The following TTC28 variants were observed in gnomAD, a reference collection of about 807,000 sequenced individuals.
TTC28 encodes tetratricopeptide repeat domain 28.
TTC28 carries 61 observed loss-of-function variants against 198.0 expected under a neutral mutation model. The ratio of observed to expected loss-of-function variants is 0.31; its 90% CI spans 0.25 to 0.38. The LOEUF is 0.38. Ranked by LOEUF, TTC28 falls within the 10% of genes least tolerant of loss-of-function variation. The probability of loss-of-function intolerance (pLI) is 1.00; values close to 1 mark genes in which losing one functional copy is unlikely to be tolerated. For synonymous variants in TTC28, 1,171 were observed against 1,297.8 expected, an observed-to-expected ratio of 0.90 and a Z score of 2.10; for missense variants, 2,678 against 3,164.0, an observed-to-expected ratio of 0.85 and a Z score of 3.69.
rs938791958 is a variant in TTC28, at chr22:27,983,364, C to T, written c.6303G>A (p.Gly2101=). 20 of 1,551,182 alleles carry T rather than the reference C, an allele frequency of 1.3e-5. No homozygotes were observed. The African/African-American group carries it at 2.7e-4, about 21-fold the overall frequency. Residue 2101 remains glycine (G), a synonymous_variant, in exon 23 of 23, where the codon GGG becomes GGA. Coordinates refer to ENST00000397906, the MANE Select transcript of TTC28 (RefSeq NM_001145418.2). ...GGMRVSVSSK[G]SISTPNSPVK... Reference sequence around the variant, plus strand: ...CTGGAGAATTTGGAGTGCTGATGCTCCCTTTGGAGCTCACCGAGACTCTCA... The same window carrying T: ...CTGGAGAATTTGGAGTGCTGATGCTTCCTTTGGAGCTCACCGAGACTCTCA...
At chr22:28,461,850 CA>C (rs2047955404) in intron 2 of TTC28, among the ~76,000 whole-genome samples, 1 of 152,138 alleles carries the variant, frequency 6.6e-6, no homozygotes, top group Admixed American at 6.6e-5. Context: ...TCTTTCCCAC[CA>C]GTCATGCTAA....
chr22:28,094,104 A>C lies in TTC28; in HGVS notation c.3908T>G (p.Leu1303Arg). Residue 1303 changes from leucine to arginine, a missense_variant, in exon 12 of 23, where the codon CTG becomes CGG. Physicochemically the swap from Leu to Arg is moderately radical, Grantham distance 102. Around this residue, in one of 8 missense-constraint regions of TTC28, gnomAD observed 727 missense variants for 861.9 expected, o/e 0.84. Transcript: ENST00000397906. Reference protein sequence around the residue: ...EQHIASVREALGVESHYSRAC... With the variant: ...EQHIASVREARGVESHYSRAC... ...CCTTGAGTAGTGAGACTCCACCCCC[A>C]GGGCCTCCCGGACACTGGCAATGTG... 6.5e-7 allele frequency: 1 copy of C among 1,549,836 alleles called. No homozygotes were observed. Among genetic ancestry groups the C allele is most frequent in the Non-Finnish European group, 8.7e-7 (1 of 1,146,396 alleles).
chr22:28,234,146 T>C (rs1371982784), intron 5 of TTC28, among the ~76,000 whole-genome samples: 30 of 152,016 alleles, frequency 2.0e-4, no homozygotes, highest in Non-Finnish European at 2.9e-5. Flanking sequence ...GACCTCGTGA[T>C]CCGCCGGCCT....
In TTC28 at chr22:27,983,743, G is replaced by C. The variant is rs1371130799; in HGVS notation, c.5924C>G (p.Pro1975Arg). 1 of 1,551,666 alleles carries C rather than the reference G, an allele frequency of 6.4e-7. No individual in the cohort carries two copies. The highest frequency in any genetic ancestry group is 8.7e-7 in the Non-Finnish European group (1 of 1,146,996). ...GTCCGCACCGGTGGGAGAGAAGGGG[G>C]GTTGCTGGTAACCCAAGGGCAGGGC... is the stretch of plus-strand genomic sequence containing the variant. ...SNALPLGYQQ[P>R]PFSPTGADSI... Residue 1975 changes from proline to arginine, a missense_variant, in exon 23 of 23, where the codon CCC becomes CGC. This residue lies in a region of TTC28 where 622 missense variants were observed against 656.0 expected (regional missense o/e 0.95). Transcript: ENST00000397906.
At chr22:28,007,660 C>T (rs1937982157) in intron 14 of TTC28, 1 of 152,228 alleles carries the variant, frequency 6.6e-6, no homozygotes, top group South Asian at 2.1e-4. Context: ...ATGATCCCTC[C>T]ACCCCTAGTG....
chr22:28,660,407 C>A (rs1341429454), intron 1 of TTC28, among the ~76,000 whole-genome samples: 1 of 152,186 alleles, frequency 6.6e-6, no homozygotes, highest in Non-Finnish European at 1.5e-5. Flanking sequence ...CTCACTGCAA[C>A]CTCTGCCTCC....
intron 6 of TTC28, among the ~76,000 whole-genome samples, chr22:28,156,496 T>G (rs149798633): frequency 6.6e-6 from 1 of 152,328 alleles, no homozygotes; most frequent in East Asian, 1.9e-4. Context: ...TTTGTGTTGT[T>G]TTAAACCACT....
At chr22:28,392,452 C>G (rs952824006) in intron 2 of TTC28, among the ~76,000 whole-genome samples, 6 of 152,240 alleles carry the variant, frequency 3.9e-5, no homozygotes, top group African/African-American at 9.6e-5. Flanking sequence ...TCGCTGCCGC[C>G]TTGCAGTTTG....
Position 28,306,396 on chromosome 22 carries a change from G to A in TTC28, c.529+100C>T. 2.2e-6 allele frequency: 3 copies of A among 1,347,272 alleles called. No homozygotes were observed. The South Asian group carries it at 4.2e-5, about 19-fold the overall frequency. 83.5% of individuals were successfully genotyped at this position (1,347,272 alleles called of 1,614,324 possible). On this transcript the variant is annotated intron_variant, in intron 3 of 22. Transcript: ENST00000397906. Reference sequence around the variant, plus strand: ...TAAAATATCAAATCTTAGCAAATTTGATAACCTATCAATTCTCTGTGCCTG... The same window carrying A: ...TAAAATATCAAATCTTAGCAAATTTAATAACCTATCAATTCTCTGTGCCTG...
At chr22:28,638,288 A>T (rs1013525141) in intron 1 of TTC28, among the ~76,000 whole-genome samples, 3 of 152,130 alleles carry the variant, frequency 2.0e-5, no homozygotes, top group African/African-American at 7.2e-5. Context: ...AATGATATAT[A>T]AAAAAACTTA....
At chr22:28,375,734 T>C (rs1482841115) in intron 2 of TTC28, among the ~76,000 whole-genome samples, 1 of 152,190 alleles carries the variant, frequency 6.6e-6, no homozygotes, top group Non-Finnish European at 1.5e-5. Flanking sequence ...GGTAAGTCAG[T>C]GGACTGAGTA....
rs5762742 is a variant in TTC28 at position 28,677,175 on chromosome 22, A to T, written c.102+2447T>A. Reference sequence around the variant, plus strand: ...CATCTCAGGAAAAAAAAAAAAAAAAAATATATATATATATATATATATATA... The same window carrying T: ...CATCTCAGGAAAAAAAAAAAAAAAATATATATATATATATATATATATATA... On this transcript the variant is annotated intron_variant, in intron 1 of 22. Coordinates refer to ENST00000397906, the MANE Select transcript of TTC28 (RefSeq NM_001145418.2). 4.2e-3 allele frequency among the ~76,000 whole-genome samples: 292 copies of T among 69,302 alleles called. 1 individual carries two copies. Among genetic ancestry groups the T allele is most frequent in the East Asian group, 0.025 (64 of 2,548 alleles). 45.5% of individuals were successfully genotyped at this position (69,302 alleles called of 152,430 possible). A position where few individuals can be genotyped will look rare whatever the true frequency, so the allele number is the denominator to read the frequency against.
chr22:28,391,120 T>G (rs1031118600), intron 2 of TTC28, among the ~76,000 whole-genome samples: 8 of 152,188 alleles, frequency 5.3e-5, no homozygotes, highest in African/African-American at 1.9e-4. Context: ...TGGCTGGATA[T>G]GAAATTCTGG....
intron 2 of TTC28, among the ~76,000 whole-genome samples, chr22:28,435,894 A>G (rs1424422084): frequency 6.6e-6 from 1 of 152,244 alleles, no homozygotes; most frequent in Non-Finnish European, 1.5e-5. Flanking sequence ...GCACTCCTGC[A>G]CTGATATCAC....
intron 12 of TTC28, 135 bp downstream of exon 12, chr22:28,093,945 C>T (rs1262268940): frequency 1.0e-5 from 9 of 871,404 alleles, no homozygotes; most frequent in African/African-American, 1.7e-5. Flanking sequence ...GTTTCTGCTG[C>T]AGCAGCTGTG....
At chr22:28,339,018 G>C (rs1221989160) in intron 2 of TTC28, among the ~76,000 whole-genome samples, 4 of 152,034 alleles carry the variant, frequency 2.6e-5, no homozygotes, top group Non-Finnish European at 5.9e-5. Context: ...TCTACCTTTG[G>C]TCTTTGATGA....
At chr22:28,552,899 G>A (rs2049706272) in intron 2 of TTC28, among the ~76,000 whole-genome samples, 1 of 151,868 alleles carries the variant, frequency 6.6e-6, no homozygotes, top group African/African-American at 2.4e-5. Flanking sequence ...TGATTCCCCT[G>A]CCTCAGCCTG....
chr22:28,198,405 T>G (rs1925582401), intron 5 of TTC28, among the ~76,000 whole-genome samples: 3 of 152,050 alleles, frequency 2.0e-5, no homozygotes, highest in Non-Finnish European at 2.9e-5. Flanking sequence ...TGGATAAGGA[T>G]TTTTGCAGAA....
chr22:28,388,986 G>A (rs1162568254), intron 2 of TTC28, among the ~76,000 whole-genome samples: 4 of 152,170 alleles, frequency 2.6e-5, no homozygotes, highest in South Asian at 2.1e-4. Context: ...GTTTGTCATA[G>A]ATAGCTCTTA....
Sources: gnomAD v4.1 joint callset for allele counts (sites outside exome capture counted in the v4.1 genomes callset) on GRCh38, gnomAD v4.1.1 for gene constraint, gnomAD v4.1.1 regional missense constraint, MANE v1.5 for transcripts, NCBI Gene and HGNC (gene_info 2026-07-23, HGNC 2026-07-21) for gene names.